LPAR1: variants seen among roughly 807,000 people sequenced by gnomAD.
LPAR1 encodes LPA receptor 1.
In LPAR1, 5 loss-of-function variants were observed where a neutral mutation model predicts 23.8. The ratio of observed to expected loss-of-function variants is 0.21; its 90% CI spans 0.11 to 0.44. LPAR1 has a LOEUF of 0.44. Ranked by LOEUF, LPAR1 falls within the 20% of genes least tolerant of loss-of-function variation. The pLI is 0.99. For synonymous variants in LPAR1, 160 were observed against 164.7 expected (o/e 0.97, Z 0.22); for missense variants, 311 against 482.8 (o/e 0.64, Z 3.33).
At chr9:110,899,787 C>T (rs2087997302) in intron 5 of LPAR1, among the ~76,000 whole-genome samples, 1 of 152,120 alleles carries the variant, frequency 6.6e-6, no homozygotes, top group African/African-American at 2.4e-5. Context: ...ATAAATTAAC[C>T]TAGCTCAGAA....
chr9:110,873,844 G>A lies in LPAR1; in HGVS notation c.*1577C>T, dbSNP rs948214529. 2.6e-5 allele frequency: 4 copies of A among 151,820 alleles called. No individual in the cohort carries two copies. In the South Asian group the frequency reaches 6.2e-4, roughly 24 times the overall value. The allele number at this position is 151,820 out of a possible 1,614,324, so 9.4% of individuals were successfully genotyped here. On this transcript the variant is annotated 3_prime_UTR_variant, in exon 6 of 6. Coordinates refer to ENST00000683809, the MANE Select transcript of LPAR1 (RefSeq NM_001351411.2). Reference sequence around the variant, plus strand: ...CATTTTCTTCCATTTTACATTGCAGGTGTGGCTACCAAGAGCTGGATAACG... The same window carrying A: ...CATTTTCTTCCATTTTACATTGCAGATGTGGCTACCAAGAGCTGGATAACG...
intron 5 of LPAR1, among the ~76,000 whole-genome samples, chr9:110,899,243 GCTAT>G (rs2087706225): frequency 1.3e-5 from 2 of 152,100 alleles, no homozygotes; most frequent in South Asian, 2.1e-4. Flanking sequence ...ATTTGAAATG[GCTAT>G]CTTTTTTCAT....
intron 5 of LPAR1, among the ~76,000 whole-genome samples, chr9:110,903,882 CAAAAA>C (rs61456167): frequency 5.2e-5 from 4 of 77,252 alleles, no homozygotes; most frequent in East Asian, 3.7e-4. Flanking sequence ...AAGTGAATTG[CAAAAA>C]AAAAAAAAAA....
At chr9:110,875,882 A>G (rs1293090893) in intron 5 of LPAR1, among the ~76,000 whole-genome samples, 160 bp from the exon 6 acceptor site, 1 of 152,214 alleles carries the variant, frequency 6.6e-6, no homozygotes, top group African/African-American at 2.4e-5. Flanking sequence ...TCCTGAGAAA[A>G]TCAGAAAAAA....
At chr9:110,888,370 T>G (rs890160765) in intron 5 of LPAR1, among the ~76,000 whole-genome samples, 12 of 152,142 alleles carry the variant, frequency 7.9e-5, no homozygotes, top group African/African-American at 2.9e-4. Context: ...CCCTGTGGAG[T>G]GTTTTTATGG....
At chr9:110,985,957 G>C (rs1273548265) in intron 2 of LPAR1, among the ~76,000 whole-genome samples, 1 of 151,136 alleles carries the variant, frequency 6.6e-6, no homozygotes, top group Non-Finnish European at 1.5e-5. Flanking sequence ...CATGAAGACA[G>C]AGAGCAAGAA....
At chr9:110,883,405 T>C (rs2081401894) in intron 5 of LPAR1, among the ~76,000 whole-genome samples, 1 of 152,028 alleles carries the variant, frequency 6.6e-6, no homozygotes, top group South Asian at 2.1e-4. Context: ...AGATATTGGA[T>C]GTACCACTCA....
intron 4 of LPAR1, among the ~76,000 whole-genome samples, chr9:110,955,135 C>G (rs1564155942): frequency 6.6e-6 from 1 of 152,160 alleles, no homozygotes; most frequent in Non-Finnish European, 1.5e-5. Flanking sequence ...TTAAAAGATA[C>G]AGCCTGGCTG....
At chr9:110,900,675 T>C (rs933023973) in intron 5 of LPAR1, among the ~76,000 whole-genome samples, 3 of 152,326 alleles carry the variant, frequency 2.0e-5, no homozygotes, top group African/African-American at 7.2e-5. Flanking sequence ...TAGTATAAAA[T>C]TACATTTTAA....
intron 2 of LPAR1, among the ~76,000 whole-genome samples, chr9:111,028,132 A>ATTT (rs564873913): frequency 6.9e-5 from 10 of 144,562 alleles, no homozygotes; most frequent in African/African-American, 2.3e-4. Context: ...TGGAATAAGA[A>ATTT]TTTTTTTTTT....
At chr9:110,907,200 C>T (rs565426324) in intron 5 of LPAR1, among the ~76,000 whole-genome samples, 15 of 152,090 alleles carry the variant, frequency 9.9e-5, no homozygotes, top group African/African-American at 3.6e-4. Flanking sequence ...ATAAATATTC[C>T]TTATAATATT....
At chr9:110,881,264 C>T (rs1169393627) in intron 5 of LPAR1, among the ~76,000 whole-genome samples, 1 of 152,104 alleles carries the variant, frequency 6.6e-6, no homozygotes, top group Admixed American at 6.5e-5. Context: ...TTCATGATTT[C>T]ATTTATTGTA....
At chr9:110,985,754 A>G (rs191914073) in intron 2 of LPAR1, among the ~76,000 whole-genome samples, 13 of 152,254 alleles carry the variant, frequency 8.5e-5, no homozygotes, top group Admixed American at 2.6e-4. Context: ...GGAGATTACT[A>G]TCTTAGAATA....
chr9:111,013,302 C>A (rs1157590049), intron 2 of LPAR1, among the ~76,000 whole-genome samples: 1 of 152,106 alleles, frequency 6.6e-6, no homozygotes, highest in African/African-American at 2.4e-5. Flanking sequence ...TGTCCAGGAC[C>A]AACCAATCCA....
intron 5 of LPAR1, among the ~76,000 whole-genome samples, chr9:110,894,598 A>G (rs1477519198): frequency 6.6e-6 from 1 of 152,226 alleles, no homozygotes; most frequent in East Asian, 1.9e-4. Flanking sequence ...ATTCCCTACT[A>G]TGCCATTACC....
rs559129179 is a variant in LPAR1 at position 110,908,034 on chromosome 9, T to C, written c.794-32312A>G. 3.3e-5 allele frequency among the ~76,000 whole-genome samples: 5 copies of C among 152,016 alleles called. No homozygotes were observed. In the East Asian group the frequency reaches 7.7e-4, roughly 23 times the overall value. ...TACAGAAGATGGAGGCTAAGGCTCA[T>C]ATCCATCCCAAATAATTCTGCTTCT... On this transcript the variant is annotated intron_variant, in intron 5 of 5. Transcript: ENST00000683809.
intron 4 of LPAR1, among the ~76,000 whole-genome samples, chr9:110,953,442 T>G (rs957849709): frequency 1.1e-4 from 16 of 152,226 alleles, no homozygotes; most frequent in African/African-American, 3.9e-4. Flanking sequence ...GGTGGACAGA[T>G]CACCTGAGGT....
intron 2 of LPAR1, among the ~76,000 whole-genome samples, chr9:111,025,550 A>G (rs531576539): frequency 1.3e-5 from 2 of 152,292 alleles, no homozygotes; most frequent in East Asian, 1.9e-4. Context: ...CTTTAGTTTA[A>G]TTAGATCCCA....
At chr9:110,886,376 A>AAC (rs1429060859) in intron 5 of LPAR1, among the ~76,000 whole-genome samples, 1 of 150,834 alleles carries the variant, frequency 6.6e-6, no homozygotes, top group Non-Finnish European at 1.5e-5. Context: ...AAAAAAAAAA[A>AAC]AAGACTGATT....
Sources: gnomAD v4.1 joint callset for allele counts (sites outside exome capture counted in the v4.1 genomes callset) on GRCh38, gnomAD v4.1.1 for gene constraint, MANE v1.5 for transcripts, NCBI Gene and HGNC (gene_info 2026-07-23, HGNC 2026-07-21) for gene names.